COP1: variants seen among roughly 807,000 people sequenced by gnomAD.
The protein encoded by COP1 is COP1 E3 ubiquitin ligase, also known as E3 ubiquitin-protein ligase COP1.
Under a neutral mutation model 101.3 loss-of-function variants are expected in COP1, and 24 were observed. That is an observed-to-expected ratio of 0.24 (90% CI 0.17 to 0.33). The LOEUF is 0.33. Among genes scored for constraint, COP1 ranks in the 10% least tolerant of loss-of-function variants. The pLI is 1.00. For missense variants in COP1, 663 were observed against 906.2 expected (o/e 0.73, Z 3.45); for synonymous variants, 347 against 341.9 (o/e 1.01, Z -0.17).
chr1:176,151,396 A>AGAAAGAAAGAAG (rs1692545032), intron 5 of COP1, among the ~76,000 whole-genome samples: 1 of 151,088 alleles, frequency 6.6e-6, no homozygotes, highest in Non-Finnish European at 1.5e-5. Context: ...AAAGAAAGAA[A>AGAAAGAAAGAAG]GAAAGAAAGA....
intron 11 of COP1, among the ~76,000 whole-genome samples, chr1:176,068,816 T>A (rs1264717866): frequency 6.6e-6 from 1 of 152,230 alleles, no homozygotes; most frequent in African/African-American, 2.4e-5. Flanking sequence ...CTTCCACGTT[T>A]TATCCAGAGG....
chr1:175,999,901 GTCT>G (rs1340564795), intron 15 of COP1, among the ~76,000 whole-genome samples: 1 of 151,998 alleles, frequency 6.6e-6, no homozygotes, highest in Admixed American at 6.6e-5. Context: ...CCATTTATAT[GTCT>G]TCTTTTGAGA....
intron 18 of COP1, among the ~76,000 whole-genome samples, chr1:175,980,095 T>C (rs907689760): frequency 2.0e-5 from 3 of 152,150 alleles, no homozygotes; most frequent in Admixed American, 6.6e-5. Flanking sequence ...GATAAGTGGC[T>C]ATTATTATGG....
At chr1:175,970,149 C>A (rs764661762) in intron 18 of COP1, among the ~76,000 whole-genome samples, 7 of 152,036 alleles carry the variant, frequency 4.6e-5, no homozygotes, top group Non-Finnish European at 8.8e-5. Context: ...ACTAATGAAG[C>A]ATAACAAACA....
intron 9 of COP1, among the ~76,000 whole-genome samples, chr1:176,088,408 TA>T (rs1412286974): frequency 2.0e-5 from 3 of 152,146 alleles, no homozygotes; most frequent in African/African-American, 7.2e-5. Context: ...GTCAGTATAA[TA>T]TTTGCCCCTG....
chr1:176,184,327 G>C (rs1381862083), intron 2 of COP1, among the ~76,000 whole-genome samples: 2 of 152,062 alleles, frequency 1.3e-5, no homozygotes, highest in Admixed American at 1.3e-4. Flanking sequence ...AGTGCTTCAT[G>C]GTTGGTCCTG....
rs190816973 is a variant in COP1 at position 175,976,042 on chromosome 1, A to T, written c.2133+10901T>A. 2.6e-4 allele frequency among the ~76,000 whole-genome samples: 29 copies of T among 111,916 alleles called. No individual in the cohort carries two copies. In the Admixed American group the frequency reaches 2.9e-3, roughly 11 times the overall value. The allele number at this position is 111,916 out of a possible 152,430, so 73.4% of individuals were successfully genotyped here. A position where few individuals can be genotyped will look rare whatever the true frequency, so the allele number is the denominator to read the frequency against. On this transcript the variant is annotated intron_variant, in intron 18 of 19. Coordinates refer to ENST00000367669, the MANE Select transcript of COP1 (RefSeq NM_022457.7). ...GTTGTCAGATCTCAAAAATCCAGTA[A>T]TATGTAAAAGATGTAGAATTAGAAG...
At chr1:176,005,563 G>C (rs1158693113) in intron 15 of COP1, among the ~76,000 whole-genome samples, 2 of 151,044 alleles carry the variant, frequency 1.3e-5, no homozygotes, top group Non-Finnish European at 2.9e-5. Flanking sequence ...CTTTGTTCTT[G>C]TTGTTTTCAA....
intron 9 of COP1, among the ~76,000 whole-genome samples, chr1:176,090,535 G>A (rs1032910574): frequency 2.6e-5 from 4 of 152,194 alleles, no homozygotes; most frequent in Non-Finnish European, 5.9e-5. Flanking sequence ...ACTCAGAGAT[G>A]TAATGATAAA....
At chr1:176,041,168 G>GT (rs2149163520) in intron 14 of COP1, among the ~76,000 whole-genome samples, 1 of 151,790 alleles carries the variant, frequency 6.6e-6, no homozygotes, top group South Asian at 2.1e-4. Flanking sequence ...AATATTTCCA[G>GT]GAAAAAAAGG....
chr1:176,160,503 A>T (rs1331613684), intron 5 of COP1, among the ~76,000 whole-genome samples: 3 of 151,922 alleles, frequency 2.0e-5, no homozygotes, highest in East Asian at 1.9e-4. Context: ...ATGGGGAAAA[A>T]TTTTTGCAAT....
Position 176,102,711 on chromosome 1 carries a change from G to T in COP1, c.1026+13913C>A, listed in dbSNP as rs1157585429. Among the ~76,000 whole-genome samples, 5 of 152,328 alleles carry T rather than the reference G, an allele frequency of 3.3e-5. 1 individual carries two copies. In the East Asian group the frequency reaches 9.6e-4, roughly 29 times the overall value. On this transcript the variant is annotated intron_variant, in intron 9 of 19. Transcript: ENST00000367669. ...CAAGATTAGAAATTAAGGTTTAGGA[G>T]GCATGCAGCTGGAGGCCACAAGATT... is the stretch of plus-strand genomic sequence containing the variant.
At chr1:176,011,347 C>G (rs1664626327) in intron 15 of COP1, among the ~76,000 whole-genome samples, 2 of 152,106 alleles carry the variant, frequency 1.3e-5, no homozygotes, top group South Asian at 4.1e-4. Flanking sequence ...TAGAAAATAA[C>G]TAAACCAATG....
chr1:176,167,146 T>C (rs547724327), intron 3 of COP1, among the ~76,000 whole-genome samples: 6 of 152,318 alleles, frequency 3.9e-5, no homozygotes, highest in South Asian at 2.1e-4. Context: ...AATGTCTATA[T>C]ATGTATATAT....
At chr1:176,147,109 G>A (rs1457283847) in intron 6 of COP1, among the ~76,000 whole-genome samples, 1 of 152,092 alleles carries the variant, frequency 6.6e-6, no homozygotes. Context: ...GAAGCAATTT[G>A]CCTCCTGGTA....
intron 1 of COP1, among the ~76,000 whole-genome samples, chr1:176,186,850 T>A (rs1238929646): frequency 6.6e-6 from 1 of 152,146 alleles, no homozygotes; most frequent in Admixed American, 6.6e-5. Flanking sequence ...GGTAGGACTA[T>A]GGTTTGCTGA....
chr1:176,191,489 C>T (rs1397983769), intron 1 of COP1, among the ~76,000 whole-genome samples: 1 of 151,966 alleles, frequency 6.6e-6, no homozygotes, highest in African/African-American at 2.4e-5. Context: ...CCTCTTTTCC[C>T]TTAATTTCTT....
chr1:176,134,986 C>G, intron 8 of COP1, 24 bp downstream of exon 8: 5 of 1,558,232 alleles, frequency 3.2e-6, no homozygotes, highest in Non-Finnish European at 4.4e-6. Flanking sequence ...GAATTCTAAT[C>G]AATTGCAAGT....
At chr1:176,019,394 C>T (rs1487178368) in intron 15 of COP1, among the ~76,000 whole-genome samples, 3 of 150,652 alleles carry the variant, frequency 2.0e-5, no homozygotes, top group Admixed American at 1.3e-4. Flanking sequence ...ACCTGGGAGG[C>T]GGAGGTTGCA....
Sources: gnomAD v4.1 joint callset for allele counts (sites outside exome capture counted in the v4.1 genomes callset) on GRCh38, gnomAD v4.1.1 for gene constraint, MANE v1.5 for transcripts, NCBI Gene and HGNC (gene_info 2026-07-23, HGNC 2026-07-21) for gene names.